Variants in ZBTB45 observed in about 807,000 individuals in gnomAD.
ZBTB45 encodes the protein zinc finger and BTB domain containing 45.
ZBTB45 carries 22 observed loss-of-function variants against 28.4 expected under a neutral mutation model. That is an observed-to-expected ratio of 0.77 (90% CI 0.55 to 1.10). ZBTB45 has a LOEUF of 1.10. Ranked by LOEUF, ZBTB45 falls within the 50% of genes least tolerant of loss-of-function variation. ZBTB45 has a pLI of 0.00. For synonymous variants in ZBTB45, 361 were observed against 332.3 expected (o/e 1.09, Z -0.94); for missense variants, 656 against 750.2 (o/e 0.87, Z 1.47).
intron 1 of ZBTB45, among the ~76,000 whole-genome samples, chr19:58,529,044 A>C (rs1229564118): frequency 1.4e-5 from 2 of 147,942 alleles, no homozygotes; most frequent in Non-Finnish European, 3.0e-5. Context: ...AGATCACGCC[A>C]TTGCACTCCA....
At position 58,517,713 on chromosome 19, in the gene ZBTB45, G is replaced by A. The variant is rs1173784740; in HGVS notation, c.1-40C>T. ...AGGAGGGCAGGGAGAGGTCAACTGA[G>A]GACCCCCATCTGTCCCAACGTCCCT... On this transcript the variant is annotated intron_variant, in intron 1 of 2. Coordinates refer to ENST00000594051, the MANE Select transcript of ZBTB45 (RefSeq NM_001316979.2). 3.8e-6 allele frequency: 6 copies of A among 1,576,738 alleles called. No homozygotes were observed. In the African/African-American group the frequency reaches 5.4e-5, roughly 14 times the overall value.
At position 58,517,667 on chromosome 19, in the gene ZBTB45, C is replaced by T. The variant is rs141296349; in HGVS notation, c.7G>A (p.Ala3Thr). ...TGTATGTGATGCACAGCCTCTGCAG[C>T]CGCCATCTGCACAGAACAAGAGGAG... MAAAEAVHHIHLQ... is the reference protein window; with the variant it reads MATAEAVHHIHLQ... Residue 3 changes from alanine to threonine, a missense_variant, in exon 2 of 3, where the codon GCT becomes ACT. Ala to Thr is a moderately conservative substitution (Grantham distance 58, BLOSUM62 0). Around this residue, in one of 3 missense-constraint regions of ZBTB45, gnomAD observed 105 missense variants for 152.4 expected, o/e 0.69. Transcript: ENST00000594051. 7.6e-5 allele frequency: 123 copies of T among 1,612,696 alleles called. No individual in the cohort carries two copies. The East Asian group carries it at 2.1e-3, about 28-fold the overall frequency.
At chr19:58,519,261 A>T (rs1160716968) in intron 1 of ZBTB45, 2 of 152,206 alleles carry the variant, frequency 1.3e-5, no homozygotes, top group African/African-American at 4.8e-5. Flanking sequence ...ATCTGTATTC[A>T]CCTAGCACCT....
At position 58,516,749 on chromosome 19, in the gene ZBTB45, G is replaced by A; in HGVS notation, c.925C>T (p.Gln309Ter). The change falls in exon 2 of 3, where the codon CAG becomes TAG. Residue 309 changes from glutamine (Q) to a stop codon, truncating the protein, a stop_gained. Coordinates refer to ENST00000594051, the MANE Select transcript of ZBTB45 (RefSeq NM_001316979.2). LOFTEE classifies it high-confidence loss of function. The surrounding 1 kb of genome is among the most constrained non-coding windows in gnomAD (Gnocchi z 6.2). The part of the protein sequence containing the change: ...PEGCPTETPV[Q>*]PDCILSGSRP... ...GATCCAGACAGTATGCAGTCGGGCTGGACAGGGGTCTCAGTGGGACAGCCT... is the reference window on the plus strand; with the variant it reads ...GATCCAGACAGTATGCAGTCGGGCTAGACAGGGGTCTCAGTGGGACAGCCT... 6.2e-7 allele frequency: 1 copy of A among 1,612,768 alleles called. No individual in the cohort carries two copies. Among genetic ancestry groups the A allele is most frequent in the East Asian group, 2.2e-5 (1 of 44,868 alleles).
In ZBTB45 at chr19:58,517,310, T is replaced by C. The variant is rs1263150877; in HGVS notation, c.364A>G (p.Ile122Val). ...QTVIDECTQI[I>V]ARARAPGTSA... ...GTGCCCGGGGCTCGAGCGCGGGCGA[T>C]AATCTGCGTGCATTCGTCGATAACT... Residue 122 changes from isoleucine to valine, a missense_variant, in exon 2 of 3, where the codon ATC (isoleucine) becomes GTC (valine). This residue lies in a region of ZBTB45 where 448 missense variants were observed against 444.3 expected (regional missense o/e 1.01). Coordinates refer to ENST00000594051, the MANE Select transcript of ZBTB45 (RefSeq NM_001316979.2). 1 of 1,607,014 alleles carries C rather than the reference T, an allele frequency of 6.2e-7. No individual in the cohort carries two copies. Among genetic ancestry groups the C allele is most frequent in the Non-Finnish European group, 8.5e-7 (1 of 1,178,670 alleles).
chr19:58,522,348 G>C (rs1432784916), upstream of ZBTB45, among the ~76,000 whole-genome samples: 1 of 151,418 alleles, frequency 6.6e-6, no homozygotes, highest in African/African-American at 2.4e-5. Context: ...TTTTAGTAGA[G>C]ACGGTGTTTC....
intron 1 of ZBTB45, among the ~76,000 whole-genome samples, chr19:58,530,070 G>T (rs982222053): frequency 2.0e-5 from 3 of 152,054 alleles, no homozygotes; most frequent in African/African-American, 7.2e-5. Flanking sequence ...AAGCATGATG[G>T]TGCATGCCTG....
chr19:58,522,726 G>A (rs116847770), upstream of ZBTB45, among the ~76,000 whole-genome samples: 46 of 152,292 alleles, frequency 3.0e-4, 1 homozygote, highest in East Asian at 8.1e-3. Context: ...TGGACCCACT[G>A]GGTCTGCTTT....
chr19:58,514,750 C>T (rs1428184904), intron 2 of ZBTB45, among the ~76,000 whole-genome samples: 1 of 152,130 alleles, frequency 6.6e-6, no homozygotes. Flanking sequence ...CAGGTACCCT[C>T]CCCCTCAACC....
Position 58,514,198 on chromosome 19 carries a change from G to A in ZBTB45, c.1392C>T (p.Cys464=), listed in dbSNP as rs140536520. The A allele has an allele frequency of 1.2e-6, 2 of 1,612,598 alleles. No homozygotes were observed. Among genetic ancestry groups the A allele is most frequent in the Non-Finnish European group, 1.7e-6 (2 of 1,179,654 alleles). The change falls in exon 3 of 3, where the codon TGC becomes TGT. Residue 464 remains cysteine (C), a synonymous_variant. Coordinates refer to ENST00000594051, the MANE Select transcript of ZBTB45 (RefSeq NM_001316979.2). ...AGCTCTTCTGCGTGAAGCGCTTGGC[G>A]CAGACGGCGCACTGGAAGGCGCGCA... ...TGVRAFQCAV[C]AKRFTQKSSL... is the part of the protein sequence containing the mutation.
intron 1 of ZBTB45, among the ~76,000 whole-genome samples, chr19:58,528,462 CAA>C (rs376159411): frequency 1.6e-4 from 21 of 128,354 alleles, no homozygotes; most frequent in Non-Finnish European, 2.2e-4. Flanking sequence ...GACTAGTTCT[CAA>C]AAAAAAAAAA....
chr19:58,516,653 G>A lies in ZBTB45; in HGVS notation c.1021C>T (p.Pro341Ser), dbSNP rs1209316470. The A allele has an allele frequency of 6.4e-7, 1 of 1,563,138 alleles. No homozygotes were observed. The highest frequency in any genetic ancestry group is 1.8e-5 in the Admixed American group (1 of 55,934). ...LFPFHLGAPG[P>S]PAPPPSAPSG... ...GGTGCTGAAGGGGGTGGTGCGGGTG[G>A]CCCAGGGGCACCCAAGTGAAAGGGG... is the stretch of plus-strand genomic sequence containing the variant. The change falls in exon 2 of 3, where the codon CCA becomes TCA. Residue 341 changes from proline to serine, a missense_variant. By Grantham distance (74) the Pro-to-Ser change is moderately conservative (BLOSUM62 -1). This residue lies in a region of ZBTB45 where 448 missense variants were observed against 444.3 expected (regional missense o/e 1.01). Transcript: ENST00000594051. This position sits in a 1 kb window ranked among gnomAD's most constrained non-coding sequence, Gnocchi z 6.2.
At chr19:58,537,200 TC>T (rs1015355661) in intron 1 of ZBTB45, among the ~76,000 whole-genome samples, 1 of 152,122 alleles carries the variant, frequency 6.6e-6, no homozygotes, top group African/African-American at 2.4e-5. Flanking sequence ...CCGACTGGTG[TC>T]CTGGCACTTG....
intron 1 of ZBTB45, among the ~76,000 whole-genome samples, chr19:58,535,317 T>C (rs182985188): frequency 2.8e-4 from 43 of 152,100 alleles, no homozygotes; most frequent in Admixed American, 7.2e-4. Context: ...GTTTGATTTT[T>C]TTGAATTAAA....
chr19:58,518,072 G>A (rs1420284457), intron 1 of ZBTB45, among the ~76,000 whole-genome samples: 2 of 113,440 alleles, frequency 1.8e-5, no homozygotes, highest in Admixed American at 1.3e-4. Context: ...AGGGCAGCCC[G>A]GTGTGTAGAA....
In ZBTB45 at chr19:58,514,179, T is replaced by A. The variant is rs1289754002; in HGVS notation, c.1411A>T (p.Lys471Ter). The change falls in exon 3 of 3, where the codon AAG becomes TAG. Residue 471 changes from lysine (K) to a stop codon, truncating the protein, a stop_gained. Transcript: ENST00000594051. LOFTEE classifies it high-confidence loss of function. ...CGCATGTGCACGTTGAGCGAGCTCT[T>A]CTGCGTGAAGCGCTTGGCGCAGACG... ...CAVCAKRFTQ[K>*]SSLNVHMRTH... The A allele has an allele frequency of 6.2e-7, 1 of 1,612,394 alleles. No individual in the cohort carries two copies. The highest frequency in any genetic ancestry group is 8.5e-7 in the Non-Finnish European group (1 of 1,179,608).
intron 1 of ZBTB45, among the ~76,000 whole-genome samples, chr19:58,526,982 C>G (rs2053611567): frequency 1.3e-5 from 2 of 152,236 alleles, no homozygotes; most frequent in Middle Eastern, 3.4e-3. Context: ...TGTGGCCCAC[C>G]ACACCTGGCC....
rs558332265 is a variant in ZBTB45 at position 58,517,794 on chromosome 19, G to T, written c.1-121C>A. ...TCGAGTGCACCACACTCCAAGGCGC[G>T]CTAACCCATCCCTCCCCAGCTGCCC... On this transcript the variant is annotated intron_variant, in intron 1 of 2. Transcript: ENST00000594051. The T allele has an allele frequency of 1.0e-5, 9 of 872,478 alleles. No individual in the cohort carries two copies. In the African/African-American group the frequency reaches 1.4e-4, roughly 13 times the overall value. The allele number at this position is 872,478 out of a possible 1,614,324, so 54.0% of individuals were successfully genotyped here. A position where few individuals can be genotyped will look rare whatever the true frequency, so the allele number is the denominator to read the frequency against.
intron 1 of ZBTB45, among the ~76,000 whole-genome samples, chr19:58,529,084 CAAAA>C (rs1231496438): frequency 3.3e-5 from 2 of 61,404 alleles, no homozygotes; most frequent in Non-Finnish European, 3.4e-5. Context: ...AACTCCATCT[CAAAA>C]AAAAAAAAAA....
Sources: gnomAD v4.1 joint callset for allele counts (sites outside exome capture counted in the v4.1 genomes callset) on GRCh38, gnomAD v4.1.1 for gene constraint, gnomAD v4.1.1 regional missense constraint, Gnocchi (gnomAD v3.1) non-coding constraint, MANE v1.5 for transcripts, NCBI Gene and HGNC (gene_info 2026-07-23, HGNC 2026-07-21) for gene names.